The following VSTM4 variants were observed in gnomAD, a reference collection of about 807,000 sequenced individuals.
The protein encoded by VSTM4 is V-set and transmembrane domain containing 4.
Under a neutral mutation model 36.4 loss-of-function variants are expected in VSTM4, and 20 were observed. The observed-to-expected ratio is 0.55, with a 90% CI of 0.39 to 0.80. The LOEUF (loss-of-function observed/expected upper bound fraction) is 0.80. Ranked by LOEUF, VSTM4 falls within the 30% of genes least tolerant of loss-of-function variation. The probability of loss-of-function intolerance (pLI) is 0.00; values close to 1 mark genes in which losing one functional copy is unlikely to be tolerated. For missense variants in VSTM4, 392 were observed against 404.5 expected (o/e 0.97, Z 0.26); for synonymous variants, 182 against 173.9 (o/e 1.05, Z -0.37).
intron 5 of VSTM4, among the ~76,000 whole-genome samples, chr10:49,057,929 ACT>A (rs1009211164): frequency 2.6e-5 from 4 of 152,120 alleles, no homozygotes; most frequent in Middle Eastern, 3.2e-3. Flanking sequence ...GAATGACCTG[ACT>A]CTGACATGTG....
At chr10:49,094,481 G>A (rs1489487282) in intron 2 of VSTM4, among the ~76,000 whole-genome samples, 1 of 152,158 alleles carries the variant, frequency 6.6e-6, no homozygotes, top group Non-Finnish European at 1.5e-5. Context: ...TTGCTAATTT[G>A]CACCAGGAGA....
At chr10:49,021,967 G>C (rs1275855072) in intron 7 of VSTM4, among the ~76,000 whole-genome samples, 1 of 152,090 alleles carries the variant, frequency 6.6e-6, no homozygotes, top group Non-Finnish European at 1.5e-5. Flanking sequence ...AGAAAATCCT[G>C]GGAACTCTCG....
intron 4 of VSTM4, among the ~76,000 whole-genome samples, chr10:49,074,829 G>A (rs1030407399): frequency 7.9e-5 from 12 of 152,196 alleles, no homozygotes; most frequent in African/African-American, 2.4e-4. Flanking sequence ...AACATGAGAG[G>A]CTTGGGAACC....
At chr10:49,113,717 A>G (rs1844938919) in intron 1 of VSTM4, among the ~76,000 whole-genome samples, 3 of 152,312 alleles carry the variant, frequency 2.0e-5, no homozygotes, top group African/African-American at 7.2e-5. Flanking sequence ...CCCAAAATGG[A>G]GAGGCAGAAA....
chr10:49,088,595 C>A (rs1844416063), intron 2 of VSTM4, among the ~76,000 whole-genome samples: 1 of 152,210 alleles, frequency 6.6e-6, no homozygotes, highest in Non-Finnish European at 1.5e-5. Flanking sequence ...TGGAGCGGAG[C>A]CTAGAACCTG....
At chr10:49,052,543 T>C (rs994530106) in intron 5 of VSTM4, among the ~76,000 whole-genome samples, 2 of 23,620 alleles carry the variant, frequency 8.5e-5, no homozygotes, top group Admixed American at 1.7e-3. Flanking sequence ...CATTTGGACA[T>C]ATTTATTGAA....
At chr10:49,020,499 T>C (rs1019024459) in intron 7 of VSTM4, among the ~76,000 whole-genome samples, 7 of 151,498 alleles carry the variant, frequency 4.6e-5, no homozygotes, top group African/African-American at 1.7e-4. Flanking sequence ...GGAAAAAGCG[T>C]AAGTGAATAA....
intron 2 of VSTM4, among the ~76,000 whole-genome samples, chr10:49,106,846 TA>T (rs1367593661): frequency 6.6e-6 from 1 of 152,202 alleles, no homozygotes; most frequent in Non-Finnish European, 1.5e-5. Flanking sequence ...CAACAAACAC[TA>T]ACATAGTTTC....
rs893103637 is a variant in VSTM4 at position 49,058,630 on chromosome 10, A to G, written c.668+6073T>C. Among the ~76,000 whole-genome samples, 6 of 152,324 alleles carry G rather than the reference A, an allele frequency of 3.9e-5. No individual in the cohort carries two copies. In the South Asian group the frequency reaches 8.3e-4, roughly 21 times the overall value. On this transcript the variant is annotated intron_variant, in intron 5 of 7. Coordinates refer to ENST00000332853, the MANE Select transcript of VSTM4 (RefSeq NM_001031746.5). ...GAGACAGCAATTTACAACCTCAGGG[A>G]CAATAAACATTCAAGATGAGATTTA...
intron 5 of VSTM4, among the ~76,000 whole-genome samples, chr10:49,061,052 A>G (rs1590096673): frequency 6.6e-6 from 1 of 152,204 alleles, no homozygotes; most frequent in East Asian, 1.9e-4. Flanking sequence ...CAGTGTCTCC[A>G]TTACTCTAGC....
At chr10:49,100,775 T>A (rs986744952) in intron 2 of VSTM4, among the ~76,000 whole-genome samples, 3 of 148,388 alleles carry the variant, frequency 2.0e-5, no homozygotes, top group Non-Finnish European at 4.4e-5. Flanking sequence ...AAAGAAAAAC[T>A]AAATGTATAA....
At chr10:49,064,462 C>T in intron 5 of VSTM4, 1 of 516,866 alleles carries the variant, frequency 1.9e-6, no homozygotes, top group Non-Finnish European at 3.5e-6. Context: ...CACCAAGCCT[C>T]CTCCAGCAAG....
At chr10:49,021,816 C>T (rs536234164) in intron 7 of VSTM4, among the ~76,000 whole-genome samples, 2 of 152,196 alleles carry the variant, frequency 1.3e-5, no homozygotes, top group South Asian at 4.1e-4. Context: ...TGGGGGCATT[C>T]GTATAACGCA....
At chr10:49,068,951 C>T (rs1564581387) in intron 4 of VSTM4, among the ~76,000 whole-genome samples, 1 of 152,162 alleles carries the variant, frequency 6.6e-6, no homozygotes, top group Non-Finnish European at 1.5e-5. Flanking sequence ...ACTTTGAAGA[C>T]TCTGAAAGGA....
intron 3 of VSTM4, among the ~76,000 whole-genome samples, chr10:49,085,637 G>GT (rs1844356598): frequency 6.6e-6 from 1 of 152,146 alleles, no homozygotes; most frequent in South Asian, 2.1e-4. Flanking sequence ...CTCACTTTGA[G>GT]TAAGTTTAGA....
chr10:49,059,691 G>A (rs1036927632), intron 5 of VSTM4, among the ~76,000 whole-genome samples: 6 of 151,958 alleles, frequency 3.9e-5, no homozygotes, highest in African/African-American at 1.5e-4. Flanking sequence ...GGCCTTATTG[G>A]GACATATGCT....
chr10:49,077,304 G>C lies in VSTM4; in HGVS notation c.549C>G (p.Leu183=), dbSNP rs773841581. The change falls in exon 4 of 8, where the codon CTC becomes CTG. Residue 183 remains leucine (L), a synonymous_variant. Transcript: ENST00000332853. ...FFEDLYVYAV[L]VCCVGILSIL... ...TGCTGAGGATCCCCACGCAGCACAC[G>C]AGGACAGCATACACATAGAGATCTG... 2.5e-6 allele frequency: 4 copies of C among 1,614,048 alleles called. No individual in the cohort carries two copies. The highest frequency in any genetic ancestry group is 2.7e-5 in the African/African-American group (2 of 74,930).
intron 4 of VSTM4, among the ~76,000 whole-genome samples, chr10:49,076,250 C>T (rs1178822065): frequency 6.6e-6 from 1 of 152,180 alleles, no homozygotes. Context: ...ATAATTAGAG[C>T]CATATGTCAA....
intron 4 of VSTM4, among the ~76,000 whole-genome samples, chr10:49,068,879 C>A: frequency 2.0e-5 from 3 of 152,268 alleles, no homozygotes; most frequent in Admixed American, 2.0e-4. Flanking sequence ...TAGAAGCAAC[C>A]GTCCTGCACA....
Sources: gnomAD v4.1 joint callset for allele counts (sites outside exome capture counted in the v4.1 genomes callset) on GRCh38, gnomAD v4.1.1 for gene constraint, MANE v1.5 for transcripts, NCBI Gene and HGNC (gene_info 2026-07-23, HGNC 2026-07-21) for gene names.